Variants in VAT1L observed in about 807,000 individuals in gnomAD.
VAT1L encodes vesicle amine transport 1 like.
VAT1L carries 34 observed loss-of-function variants against 44.1 expected under a neutral mutation model. The observed-to-expected ratio is 0.77, with a 90% CI of 0.59 to 1.03. VAT1L has a LOEUF of 1.03. Ranked by LOEUF, VAT1L falls within the 50% of genes least tolerant of loss-of-function variation. The pLI, the probability that VAT1L is intolerant of heterozygous loss-of-function variation, is 0.00. For synonymous variants in VAT1L, 253 were observed against 202.2 expected, an observed-to-expected ratio of 1.25 and a Z score of -2.13; for missense variants, 615 against 538.8, an observed-to-expected ratio of 1.14 and a Z score of -1.40.
At chr16:77,943,531 C>G (rs770347736) in intron 7 of VAT1L, among the ~76,000 whole-genome samples, 11 of 151,730 alleles carry the variant, frequency 7.2e-5, no homozygotes, top group Non-Finnish European at 1.6e-4. Flanking sequence ...TCCCTAGTAG[C>G]TGGGACTACA....
chr16:77,924,547 G>A (rs2017645833), intron 7 of VAT1L, among the ~76,000 whole-genome samples: 2 of 151,868 alleles, frequency 1.3e-5, no homozygotes, highest in Non-Finnish European at 2.9e-5. Flanking sequence ...TGCAACCTCC[G>A]CCTTCCAGAT....
intron 1 of VAT1L, among the ~76,000 whole-genome samples, chr16:77,810,833 G>A (rs2016251995): frequency 6.6e-6 from 1 of 152,138 alleles, no homozygotes; most frequent in South Asian, 2.1e-4. Flanking sequence ...AAAAAGTACT[G>A]TCTTCATAAA....
intron 3 of VAT1L, among the ~76,000 whole-genome samples, chr16:77,825,865 A>T (rs964466256): frequency 3.1e-4 from 47 of 149,912 alleles, no homozygotes; most frequent in African/African-American, 1.2e-3. Context: ...AAATAAAAAA[A>T]AAAAAAAATT....
chr16:77,964,749 C>G (rs1257741990), intron 7 of VAT1L, among the ~76,000 whole-genome samples: 1 of 144,854 alleles, frequency 6.9e-6, no homozygotes, highest in Non-Finnish European at 1.5e-5. Flanking sequence ...TATTCTCCAT[C>G]GTGGAACACT....
At chr16:77,948,055 C>A (rs7202718) in intron 7 of VAT1L, among the ~76,000 whole-genome samples, 2 of 152,132 alleles carry the variant, frequency 1.3e-5, no homozygotes, top group Non-Finnish European at 1.5e-5. Flanking sequence ...CCACCGCGCC[C>A]GGCCCCATCT....
chr16:77,870,103 A>C (rs2017015165), intron 4 of VAT1L, among the ~76,000 whole-genome samples: 1 of 152,226 alleles, frequency 6.6e-6, no homozygotes, highest in African/African-American at 2.4e-5. Flanking sequence ...ACTTACCAAG[A>C]AGCCTACCAC....
At chr16:77,888,757 AG>A (rs1488252988) in intron 7 of VAT1L, among the ~76,000 whole-genome samples, 1 of 152,210 alleles carries the variant, frequency 6.6e-6, no homozygotes, top group Admixed American at 6.5e-5. Flanking sequence ...GGGTGGGACA[AG>A]GGTAGGGGCA....
intron 1 of VAT1L, among the ~76,000 whole-genome samples, chr16:77,797,077 G>A (rs1194229971): frequency 2.0e-5 from 3 of 151,850 alleles, no homozygotes; most frequent in African/African-American, 7.3e-5. Flanking sequence ...CCATTACATA[G>A]TATATCCACT....
chr16:77,959,546 G>A (rs972777154), intron 7 of VAT1L, among the ~76,000 whole-genome samples: 3 of 152,064 alleles, frequency 2.0e-5, no homozygotes, highest in Admixed American at 6.6e-5. Flanking sequence ...TCTAACAGGC[G>A]TAGTGATCCA....
intron 3 of VAT1L, among the ~76,000 whole-genome samples, chr16:77,833,749 C>G (rs1183305540): frequency 7.1e-5 from 9 of 126,628 alleles, no homozygotes; most frequent in African/African-American, 2.7e-4. Flanking sequence ...GACTCTGTCT[C>G]AAAAAAAAAA....
At chr16:77,895,525 G>A (rs2017314987) in intron 7 of VAT1L, among the ~76,000 whole-genome samples, 1 of 152,184 alleles carries the variant, frequency 6.6e-6, no homozygotes. Flanking sequence ...GATGGCAGAA[G>A]CAGAGGAAGA....
At chr16:77,974,789 G>C (rs1307250113) in intron 8 of VAT1L, among the ~76,000 whole-genome samples, 1 of 151,892 alleles carries the variant, frequency 6.6e-6, no homozygotes, top group Non-Finnish European at 1.5e-5. Flanking sequence ...GGCTGGTTTT[G>C]AACTCCTGAC....
intron 1 of VAT1L, among the ~76,000 whole-genome samples, chr16:77,792,652 G>T (rs2015855300): frequency 6.6e-6 from 1 of 152,106 alleles, no homozygotes; most frequent in Non-Finnish European, 1.5e-5. Flanking sequence ...TCTAGGGAAA[G>T]GGATGACTCT....
chr16:77,793,218 C>A (rs1020491911), intron 1 of VAT1L, among the ~76,000 whole-genome samples: 1 of 152,098 alleles, frequency 6.6e-6, no homozygotes, highest in African/African-American at 2.4e-5. Flanking sequence ...CTCAAGTGAT[C>A]CTCCTGCCTT....
chr16:77,788,926 C>T lies in VAT1L; in HGVS notation c.233+11C>T. 6.8e-7 allele frequency: 1 copy of T among 1,468,886 alleles called. No individual in the cohort carries two copies. The highest frequency in any genetic ancestry group is 9.0e-7 in the Non-Finnish European group (1 of 1,110,978). The allele number at this position is 1,468,886 out of a possible 1,614,324, so 91.0% of individuals were successfully genotyped here. A position where few individuals can be genotyped will look rare whatever the true frequency, so the allele number is the denominator to read the frequency against. ...CCGCGTCAAAGCCTGGTCCAGTATCCGCGCCTTTCTCGCTTTCTCTCTTTT... is the reference window on the plus strand; with the variant it reads ...CCGCGTCAAAGCCTGGTCCAGTATCTGCGCCTTTCTCGCTTTCTCTCTTTT... On this transcript the variant is annotated intron_variant, in intron 1 of 8. Transcript: ENST00000302536.
chr16:77,948,748 T>C (rs1030220013), intron 7 of VAT1L, among the ~76,000 whole-genome samples: 1 of 152,188 alleles, frequency 6.6e-6, no homozygotes, highest in African/African-American at 2.4e-5. Context: ...ACATTCTAAG[T>C]TAAAATCCTA....
chr16:77,964,573 T>G (rs2018201204), intron 7 of VAT1L, among the ~76,000 whole-genome samples: 1 of 152,070 alleles, frequency 6.6e-6, no homozygotes, highest in Non-Finnish European at 1.5e-5. Context: ...ATCTCAGATT[T>G]TTAGCTTAAT....
chr16:77,842,337 G>A (rs545485352), intron 3 of VAT1L, among the ~76,000 whole-genome samples: 1 of 152,302 alleles, frequency 6.6e-6, no homozygotes, highest in East Asian at 1.9e-4. Flanking sequence ...CCCTGTACAA[G>A]GCCCTGCAGA....
At chr16:77,910,673 C>CAAA (rs3038773) in intron 7 of VAT1L, among the ~76,000 whole-genome samples, 61 of 82,830 alleles carry the variant, frequency 7.4e-4, no homozygotes, top group South Asian at 9.8e-4. Flanking sequence ...GACTCCTTCT[C>CAAA]AAAAAAAAAA....
Sources: gnomAD v4.1 joint callset for allele counts (sites outside exome capture counted in the v4.1 genomes callset) on GRCh38, gnomAD v4.1.1 for gene constraint, MANE v1.5 for transcripts, NCBI Gene and HGNC (gene_info 2026-07-23, HGNC 2026-07-21) for gene names.